ZFYVE9: variants seen among roughly 807,000 people sequenced by gnomAD.
ZFYVE9 encodes zinc finger FYVE-type containing 9.
In ZFYVE9, 43 loss-of-function variants were observed where a neutral mutation model predicts 126.7. The ratio of observed to expected loss-of-function variants is 0.34; its 90% CI spans 0.27 to 0.44. ZFYVE9 has a LOEUF of 0.44. ZFYVE9 is among the 20% of genes least tolerant of loss of function. The pLI is 1.00. For missense variants in ZFYVE9, 1,476 were observed against 1,697.0 expected (o/e 0.87, Z 2.29); for synonymous variants, 521 against 597.4 (o/e 0.87, Z 1.87).
chr1:52,224,009 A>C (rs530262599), intron 2 of ZFYVE9, among the ~76,000 whole-genome samples: 58 of 152,156 alleles, frequency 3.8e-4, no homozygotes, highest in Non-Finnish European at 6.3e-4. Flanking sequence ...AGGGTCGTCT[A>C]ACAGTGGTTT....
At chr1:52,254,537 G>A (rs1645484823) in intron 4 of ZFYVE9, among the ~76,000 whole-genome samples, 1 of 151,998 alleles carries the variant, frequency 6.6e-6, no homozygotes, top group South Asian at 2.1e-4. Flanking sequence ...CAAACAAAAG[G>A]GGACGTATGT....
chr1:52,302,796 C>G (rs1488635112), intron 12 of ZFYVE9, among the ~76,000 whole-genome samples: 1 of 150,862 alleles, frequency 6.6e-6, no homozygotes, highest in Non-Finnish European at 1.5e-5. Context: ...AAACTGACAA[C>G]TTCTCATCAC....
rs149689824 is a variant in ZFYVE9 at position 52,195,925 on chromosome 1, C to T, written c.-142-20444C>T. On this transcript the variant is annotated intron_variant, in intron 1 of 18. Transcript: ENST00000287727. Reference sequence around the variant, plus strand: ...CTCCTGCCTCAGCCTCCCGAGTAGCCGGGACTATAGGTTCGCGGCAGCAAG... The same window carrying T: ...CTCCTGCCTCAGCCTCCCGAGTAGCTGGGACTATAGGTTCGCGGCAGCAAG... 2.7e-4 allele frequency among the ~76,000 whole-genome samples: 41 copies of T among 151,884 alleles called. No homozygotes were observed. The East Asian group carries it at 6.2e-3, about 23-fold the overall frequency.
chr1:52,292,307 G>GA (rs962387047), intron 10 of ZFYVE9, among the ~76,000 whole-genome samples: 1 of 149,016 alleles, frequency 6.7e-6, no homozygotes, highest in African/African-American at 2.5e-5. Context: ...AACAAAACGA[G>GA]AAAAAAACAA....
In ZFYVE9 at chr1:52,218,086, C is replaced by T. The variant is rs141841957; in HGVS notation, c.-37+1612C>T. Among the ~76,000 whole-genome samples the T allele has an allele frequency of 4.8e-3, 726 of 152,276 alleles. 3 individuals are homozygous for T. The highest frequency in any genetic ancestry group is 7.8e-3 in the Non-Finnish European group (530 of 68,018). On this transcript the variant is annotated intron_variant, in intron 2 of 18. Coordinates refer to ENST00000287727, the MANE Select transcript of ZFYVE9 (RefSeq NM_004799.4). ...AGCTTTGAATTCATTTGGTACCCTCCGCAGGACCCTGATGCTGTCTATGTA... is the reference window on the plus strand; with the variant it reads ...AGCTTTGAATTCATTTGGTACCCTCTGCAGGACCCTGATGCTGTCTATGTA...
intron 1 of ZFYVE9, among the ~76,000 whole-genome samples, chr1:52,164,186 G>A (rs1644491163): frequency 7.1e-6 from 1 of 141,614 alleles, no homozygotes; most frequent in Non-Finnish European, 1.5e-5. Flanking sequence ...TACATTTATT[G>A]CTTAAAAGAC....
At chr1:52,255,396 C>T (rs568132482) in intron 4 of ZFYVE9, among the ~76,000 whole-genome samples, 16 of 151,564 alleles carry the variant, frequency 1.1e-4, no homozygotes, top group African/African-American at 2.7e-4. Flanking sequence ...CCAGCCTGAC[C>T]GACCTATGGA....
intron 15 of ZFYVE9, among the ~76,000 whole-genome samples, chr1:52,336,179 G>C (rs910080265): frequency 2.6e-5 from 4 of 151,642 alleles, no homozygotes; most frequent in African/African-American, 9.7e-5. Flanking sequence ...CCAGTGTGTT[G>C]ATTGAAATAC....
At chr1:52,151,712 T>A (rs1341357927) in intron 1 of ZFYVE9, among the ~76,000 whole-genome samples, 1 of 152,014 alleles carries the variant, frequency 6.6e-6, no homozygotes, top group African/African-American at 2.4e-5. Flanking sequence ...AGACAAGGTT[T>A]CACCATGTTG....
chr1:52,327,435 G>A (rs962477542), intron 13 of ZFYVE9, among the ~76,000 whole-genome samples: 1 of 150,834 alleles, frequency 6.6e-6, no homozygotes, highest in Non-Finnish European at 1.5e-5. Context: ...AACCCCATCT[G>A]TATTAAAAAT....
chr1:52,210,950 T>C (rs1409931814), intron 1 of ZFYVE9, among the ~76,000 whole-genome samples: 1 of 152,142 alleles, frequency 6.6e-6, no homozygotes, highest in Non-Finnish European at 1.5e-5. Flanking sequence ...CCACCGCCCC[T>C]GGCCAGGTAT....
At chr1:52,167,992 TG>T (rs1644528453) in intron 1 of ZFYVE9, among the ~76,000 whole-genome samples, 1 of 152,204 alleles carries the variant, frequency 6.6e-6, no homozygotes, top group Non-Finnish European at 1.5e-5. Context: ...AGAAGTAAGT[TG>T]CATTATAGTA....
chr1:52,164,465 C>T (rs1205051677), intron 1 of ZFYVE9, among the ~76,000 whole-genome samples: 2 of 152,110 alleles, frequency 1.3e-5, no homozygotes, highest in Non-Finnish European at 2.9e-5. Flanking sequence ...CCACCCGCCT[C>T]GGACTCCCAA....
intron 13 of ZFYVE9, among the ~76,000 whole-genome samples, chr1:52,315,330 A>G (rs1646174265): frequency 6.6e-6 from 1 of 152,162 alleles, no homozygotes; most frequent in Non-Finnish European, 1.5e-5. Flanking sequence ...CTCTAGGCTG[A>G]GGCAGGAGGA....
chr1:52,217,522 G>A (rs182925065), intron 2 of ZFYVE9, among the ~76,000 whole-genome samples: 2 of 152,156 alleles, frequency 1.3e-5, no homozygotes, highest in East Asian at 1.9e-4. Flanking sequence ...GAGTACGGAG[G>A]GGGAGAGGTT....
At chr1:52,237,381 C>T in intron 3 of ZFYVE9, 107 bp from the exon 4 acceptor site, 1 of 1,023,978 alleles carries the variant, frequency 9.8e-7, no homozygotes, top group Non-Finnish European at 1.4e-6. Flanking sequence ...AATCTAATAT[C>T]CTTGGAATAT....
At chr1:52,324,880 G>A (rs1280698944) in intron 13 of ZFYVE9, among the ~76,000 whole-genome samples, 5 of 151,988 alleles carry the variant, frequency 3.3e-5, no homozygotes, top group African/African-American at 9.7e-5. Flanking sequence ...CACGCCTGTC[G>A]TTCCAGCACT....
At chr1:52,326,252 A>G (rs1241307764) in intron 13 of ZFYVE9, among the ~76,000 whole-genome samples, 1 of 152,216 alleles carries the variant, frequency 6.6e-6, no homozygotes, top group Non-Finnish European at 1.5e-5. Flanking sequence ...TATAAGAGGT[A>G]TAGGAGCTAC....
intron 10 of ZFYVE9, among the ~76,000 whole-genome samples, chr1:52,287,937 T>C (rs1353479181): frequency 2.6e-5 from 4 of 152,158 alleles, no homozygotes; most frequent in African/African-American, 9.7e-5. Context: ...TTTTGGTAAA[T>C]TTATTAGAAT....
Sources: gnomAD v4.1 joint callset for allele counts (sites outside exome capture counted in the v4.1 genomes callset) on GRCh38, gnomAD v4.1.1 for gene constraint, MANE v1.5 for transcripts, NCBI Gene and HGNC (gene_info 2026-07-23, HGNC 2026-07-21) for gene names.